Variants in OR14A16 observed in about 807,000 individuals in gnomAD.
The protein encoded by OR14A16 is olfactory receptor family 14 subfamily A member 16.
For missense variants in OR14A16, 341 were observed against 366.5 expected, an observed-to-expected ratio of 0.93 and a Z score of 0.57; for synonymous variants, 135 against 137.6, an observed-to-expected ratio of 0.98 and a Z score of 0.13.
intron 2 of OR14A16, among the ~76,000 whole-genome samples, chr1:247,816,303 C>G (rs1662620588): frequency 6.6e-6 from 1 of 152,216 alleles, no homozygotes. Context: ...ACTTTGTTTG[C>G]AGGTATTCTC....
intron 2 of OR14A16, 111 bp from the exon 3 acceptor site, chr1:247,815,855 C>T (rs1008257836): frequency 6.8e-5 from 34 of 503,534 alleles, no homozygotes; most frequent in Non-Finnish European, 1.0e-4. Context: ...ACGTACCACA[C>T]GTATGGTAAT....
chr1:247,815,319 G>A lies in OR14A16; in HGVS notation c.411C>T (p.Ser137=). ...PLHYDVIMDR[S]TCVQRATVSW... ...ACACAGTGGCTCTTTGGACACAGGT[G>A]CTCCTGTCCATGATGACATCATAGT... Residue 137 remains serine, a synonymous_variant, in exon 3 of 3, where the codon AGC becomes AGT. Transcript: ENST00000641093. 1 of 1,614,086 alleles carries A rather than the reference G, an allele frequency of 6.2e-7. No homozygotes were observed. Among genetic ancestry groups the A allele is most frequent in the Non-Finnish European group, 8.5e-7 (1 of 1,180,020 alleles).
chr1:247,815,011 A>G lies in OR14A16; in HGVS notation c.719T>C (p.Leu240Pro). 6.2e-7 allele frequency: 1 copy of G among 1,613,974 alleles called. No individual in the cohort carries two copies. Among genetic ancestry groups the G allele is most frequent in the South Asian group, 1.1e-5 (1 of 91,074 alleles). The stretch of plus-strand genomic sequence containing the variant: ...AAATAACACAACCAGCAAGTGTGGA[A>G]GGCAAATAGAGTAGGCTTTTGACTG... ...EGQSKAYSIC[L>P]PHLLVVLFLS... Residue 240 changes from leucine to proline, a missense_variant, in exon 3 of 3, where the codon CTT becomes CCT. Physicochemically the swap from Leu to Pro is moderately conservative, Grantham distance 98 (BLOSUM62 -3). Transcript: ENST00000641093.
intron 1 of OR14A16, among the ~76,000 whole-genome samples, chr1:247,820,484 C>T (rs1412585035): frequency 6.6e-6 from 1 of 151,968 alleles, no homozygotes; most frequent in Non-Finnish European, 1.5e-5. Flanking sequence ...TTTCCTTTCT[C>T]CTACTAATTT....
intron 2 of OR14A16, among the ~76,000 whole-genome samples, chr1:247,816,694 A>T (rs546626567): frequency 6.6e-6 from 1 of 152,172 alleles, no homozygotes; most frequent in South Asian, 2.1e-4. Flanking sequence ...ACACTATTGA[A>T]CTCCTGCCTG....
intron 1 of OR14A16, 93 bp from the exon 2 acceptor site, chr1:247,819,270 G>A (rs769775393): frequency 6.6e-6 from 1 of 152,244 alleles, no homozygotes; most frequent in Non-Finnish European, 1.5e-5. Context: ...TGCTTAGAGA[G>A]AGGGTGTGTG....
intron 2 of OR14A16, among the ~76,000 whole-genome samples, chr1:247,816,468 T>G (rs1038936981): frequency 6.6e-6 from 1 of 152,204 alleles, no homozygotes; most frequent in South Asian, 2.1e-4. Flanking sequence ...GGCTCACGCC[T>G]GTAATCCCAG....
At chr1:247,819,479 T>C (rs934583917) in intron 1 of OR14A16, among the ~76,000 whole-genome samples, 69 of 152,230 alleles carry the variant, frequency 4.5e-4, no homozygotes, top group African/African-American at 1.4e-3. Context: ...GGGAAGTAGT[T>C]TGTTTACTGT....
At chr1:247,817,832 T>C (rs1043882795) in intron 2 of OR14A16, among the ~76,000 whole-genome samples, 1 of 152,198 alleles carries the variant, frequency 6.6e-6, no homozygotes, top group Non-Finnish European at 1.5e-5. Flanking sequence ...AATATATCAC[T>C]AAGAGTTACA....
chr1:247,816,118 T>A (rs1454326519), intron 2 of OR14A16, among the ~76,000 whole-genome samples: 1 of 152,212 alleles, frequency 6.6e-6, no homozygotes, highest in African/African-American at 2.4e-5. Context: ...CAATGGCTAC[T>A]ACATTGTACC....
intron 2 of OR14A16, among the ~76,000 whole-genome samples, chr1:247,818,580 A>G (rs1662669949): frequency 1.3e-5 from 2 of 152,336 alleles, no homozygotes; most frequent in South Asian, 4.1e-4. Flanking sequence ...AGAGGGCATT[A>G]TGTTAAGTAA....
intron 2 of OR14A16, among the ~76,000 whole-genome samples, chr1:247,817,327 A>C (rs1662642347): frequency 6.6e-6 from 1 of 152,178 alleles, no homozygotes; most frequent in African/African-American, 2.4e-5. Context: ...TAGAAAAAAA[A>C]CCCAGACATT....
In OR14A16 at chr1:247,815,252, C is replaced by T. The variant is rs750448350; in HGVS notation, c.478G>A (p.Gly160Ser). The T allele has an allele frequency of 6.2e-7, 1 of 1,613,032 alleles. No individual in the cohort carries two copies. Among genetic ancestry groups the T allele is most frequent in the South Asian group, 1.1e-5 (1 of 91,070 alleles). Residue 160 changes from glycine (G) to serine (S), a missense_variant, in exon 3 of 3, where the codon GGC becomes AGC. Transcript: ENST00000641093. ...GGLIAVMHTAGTFSLSYCGSN... is the reference protein window; with the variant it reads ...GGLIAVMHTASTFSLSYCGSN... ...CCACAGTAGGATAAGGAGAAGGTGC[C>T]AGCTGTGTGCATCACAGCAATCAGA... is the stretch of plus-strand genomic sequence containing the variant.
chr1:247,821,357 T>G (rs554830039), intron 1 of OR14A16, among the ~76,000 whole-genome samples: 171 of 152,370 alleles, frequency 1.1e-3, no homozygotes, highest in African/African-American at 3.9e-3. Flanking sequence ...CATAGTTGAA[T>G]GTGGAGTATT....
At chr1:247,816,168 G>A (rs941254844) in intron 2 of OR14A16, among the ~76,000 whole-genome samples, 2 of 152,072 alleles carry the variant, frequency 1.3e-5, no homozygotes, top group African/African-American at 4.8e-5. Flanking sequence ...ATGACTAACA[G>A]GACCTCAGTT....
rs1441930142 is a variant in OR14A16, at chr1:247,815,411, A to G, written c.319T>C (p.Ser107Pro). 3.1e-6 allele frequency: 5 copies of G among 1,613,790 alleles called. No homozygotes were observed. In the Admixed American group the frequency reaches 8.3e-5, roughly 27 times the overall value. ...SQVFLLLSSA[S>P]AELLLLTVMS... is the part of the protein sequence containing the mutation. ...ACCGTGAGGAGGAGCAGCTCTGCAG[A>G]TGCTGAAGAAAGCAACAAAAAGACC... Residue 107 changes from serine (S) to proline (P), a missense_variant, in exon 3 of 3, where the codon TCT becomes CCT. Transcript: ENST00000641093.
At position 247,815,115 on chromosome 1, in the gene OR14A16, A is replaced by G; in HGVS notation, c.615T>C (p.Asp205=). The part of the protein sequence containing the change: ...IALILINVVL[D]FCCFIVIIIT... ...TGATGATGACAATAAAACAGCAGAAATCCAAAACTACATTAATAAGGATGA... is the reference window on the plus strand; with the variant it reads ...TGATGATGACAATAAAACAGCAGAAGTCCAAAACTACATTAATAAGGATGA... Residue 205 remains aspartate (D), a synonymous_variant, in exon 3 of 3, where the codon GAT becomes GAC. Transcript: ENST00000641093. 6.2e-7 allele frequency: 1 copy of G among 1,613,764 alleles called. No individual in the cohort carries two copies. Among genetic ancestry groups the G allele is most frequent in the South Asian group, 1.1e-5 (1 of 91,070 alleles).
intron 1 of OR14A16, among the ~76,000 whole-genome samples, chr1:247,820,737 G>A (rs953114849): frequency 2.6e-5 from 4 of 151,492 alleles, no homozygotes; most frequent in African/African-American, 4.8e-5. Context: ...GTGCATGCCC[G>A]TAATCCCAGC....
chr1:247,815,541 A>C lies in OR14A16; in HGVS notation c.189T>G (p.Asn63Lys). The C allele has an allele frequency of 6.2e-7, 1 of 1,614,060 alleles. No individual in the cohort carries two copies. Among genetic ancestry groups the C allele is most frequent in the Non-Finnish European group, 8.5e-7 (1 of 1,179,918 alleles). Residue 63 changes from asparagine to lysine, a missense_variant, in exon 3 of 3, where the codon AAT (asparagine) becomes AAG (lysine). Coordinates refer to ENST00000641093, the MANE Select transcript of OR14A16 (RefSeq NM_001001966.2). ...LHTPVYFFLK[N>K]LSFLDLCLIS... ...TAAGGCAGAGATCCAAGAAAGATAG[A>C]TTCTTCAAGAAGAAATACACGGGGG... is the stretch of plus-strand genomic sequence containing the variant.
Sources: allele counts gnomAD v4.1 joint callset (sites outside exome capture counted in the v4.1 genomes callset), GRCh38; gene constraint gnomAD v4.1.1; transcripts MANE v1.5; gene names NCBI Gene and HGNC (gene_info 2026-07-23, HGNC 2026-07-21).